Variants in PAM observed in about 807,000 individuals in gnomAD.
PAM encodes the protein peptidylglycine alpha-amidating monooxygenase, also known as peptidyl-glycine alpha-amidating monooxygenase.
PAM carries 72 observed loss-of-function variants against 122.1 expected under a neutral mutation model. That is an observed-to-expected ratio of 0.59 (90% CI 0.49 to 0.72). PAM has a LOEUF of 0.72. Among genes scored for constraint, PAM ranks in the 30% least tolerant of loss-of-function variants. The pLI, the probability that PAM is intolerant of heterozygous loss-of-function variation, is 0.00. For missense variants in PAM, 1,106 were observed against 1,183.7 expected (o/e 0.93, Z 0.96); for synonymous variants, 389 against 404.4 (o/e 0.96, Z 0.46).
chr5:102,841,666 G>A (rs1353345378), intron 1 of PAM, among the ~76,000 whole-genome samples: 3 of 152,026 alleles, frequency 2.0e-5, no homozygotes, highest in Admixed American at 6.6e-5. Flanking sequence ...AAAATATAGA[G>A]CACCCCTGAA....
At chr5:103,006,722 G>A in intron 18 of PAM, 79 bp from the exon 19 acceptor site, 1 of 911,742 alleles carries the variant, frequency 1.1e-6, no homozygotes, top group Non-Finnish European at 1.7e-6. Flanking sequence ...AATTGCTTGT[G>A]AAAGTGGTCT....
At chr5:102,868,680 AT>A (rs1213820729) in intron 3 of PAM, among the ~76,000 whole-genome samples, 1 of 150,568 alleles carries the variant, frequency 6.6e-6, no homozygotes, top group African/African-American at 2.4e-5. Flanking sequence ...AACTGAATGT[AT>A]TTTTTTTAAA....
intron 1 of PAM, among the ~76,000 whole-genome samples, chr5:102,851,742 G>A (rs1781400160): frequency 6.6e-6 from 1 of 152,206 alleles, no homozygotes. Flanking sequence ...AAATAACTCT[G>A]TAGCCTTGAG....
chr5:102,884,515 A>G (rs1792328109), intron 3 of PAM, among the ~76,000 whole-genome samples: 1 of 152,080 alleles, frequency 6.6e-6, no homozygotes, highest in South Asian at 2.1e-4. Context: ...CCGTCTGAAG[A>G]TATTTGTGGA....
At chr5:102,846,096 C>CT (rs965193288) in intron 1 of PAM, among the ~76,000 whole-genome samples, 4 of 152,184 alleles carry the variant, frequency 2.6e-5, no homozygotes, top group South Asian at 2.1e-4. Flanking sequence ...CAAGTTGATG[C>CT]TTTTTTTCCT....
Position 103,006,878 on chromosome 5 carries a change from G to C in PAM, c.1881G>C (p.Gln627His). 6.2e-7 allele frequency: 1 copy of C among 1,613,960 alleles called. No homozygotes were observed. The highest frequency in any genetic ancestry group is 1.7e-5 in the Admixed American group (1 of 60,000). ...GGAGCATGCAACCAGGCAGTGACCA[G>C]AATCACTTCTGTCAACCCACTGATG... ...LGRSMQPGSD[Q>H]NHFCQPTDVA... is the part of the protein sequence containing the mutation. Residue 627 changes from glutamine (Q) to histidine (H), a missense_variant, in exon 19 of 26, where the codon CAG becomes CAC. This residue lies in a region of PAM where 103 missense variants were observed against 157.9 expected (regional missense o/e 0.65). Transcript: ENST00000438793.
At chr5:102,898,009 G>A (rs1031559355) in intron 3 of PAM, among the ~76,000 whole-genome samples, 1 of 151,584 alleles carries the variant, frequency 6.6e-6, no homozygotes, top group African/African-American at 2.4e-5. Context: ...TGCTATGAGA[G>A]AACTAACTCT....
rs748966205 is a variant in PAM, at chr5:102,950,761, C to G, written c.846C>G (p.Asp282Glu). 2 of 1,612,186 alleles carry G rather than the reference C, an allele frequency of 1.2e-6. No homozygotes were observed. Among genetic ancestry groups the G allele is most frequent in the Admixed American group, 1.7e-5 (1 of 59,902 alleles). The change falls in exon 12 of 26, where the codon GAC becomes GAG. Residue 282 changes from aspartate (D) to glutamate (E), a missense_variant. Physicochemically the swap from Asp to Glu is conservative, Grantham distance 45. Coordinates refer to ENST00000438793, the MANE Select transcript of PAM (RefSeq NM_001177306.2). Reference sequence around the variant, plus strand: ...ATCCAGTTGATGTAAGTTTTGGTGACCTACTGGCTGCAAGATGTGTATTCA... The same window carrying G: ...ATCCAGTTGATGTAAGTTTTGGTGAGCTACTGGCTGCAAGATGTGTATTCA... ...VGHPVDVSFG[D>E]LLAARCVFTG...
intron 5 of PAM, among the ~76,000 whole-genome samples, chr5:102,916,474 A>G (rs1416887302): frequency 6.6e-6 from 1 of 151,830 alleles, no homozygotes; most frequent in Non-Finnish European, 1.5e-5. Context: ...TCATAAAACA[A>G]GGACAATTGG....
intron 1 of PAM, among the ~76,000 whole-genome samples, chr5:102,801,923 C>T (rs570664651): frequency 7.3e-5 from 11 of 150,704 alleles, no homozygotes; most frequent in South Asian, 2.1e-4. Context: ...GGACTACAGG[C>T]GCCCGCCACC....
chr5:102,890,765 G>C (rs1246098760), intron 3 of PAM, among the ~76,000 whole-genome samples: 1 of 151,894 alleles, frequency 6.6e-6, no homozygotes, highest in Non-Finnish European at 1.5e-5. Flanking sequence ...TTCCGAGGAG[G>C]TTTAGGGAAG....
At chr5:102,900,853 C>T (rs1420269050) in intron 3 of PAM, among the ~76,000 whole-genome samples, 1 of 151,316 alleles carries the variant, frequency 6.6e-6, no homozygotes, top group African/African-American at 2.4e-5. Flanking sequence ...TTGATTTCTT[C>T]AATGTATTAC....
In PAM at chr5:103,029,142, C is replaced by A; in HGVS notation, c.*77C>A. 1.6e-6 allele frequency: 2 copies of A among 1,212,898 alleles called. No individual in the cohort carries two copies. The highest frequency in any genetic ancestry group is 2.3e-6 in the Non-Finnish European group (2 of 860,968). The allele number at this position is 1,212,898 out of a possible 1,614,324, so 75.1% of individuals were successfully genotyped here. A position where few individuals can be genotyped will look rare whatever the true frequency, so the allele number is the denominator to read the frequency against. ...CTTTCCCTTTAGCACGTTTAAAGTT[C>A]TGTGTATTTAATTGTAAACTGTACT... On this transcript the variant is annotated 3_prime_UTR_variant, in exon 26 of 26. Coordinates refer to ENST00000438793, the MANE Select transcript of PAM (RefSeq NM_001177306.2).
At chr5:103,008,355 T>G (rs973013996) in intron 20 of PAM, among the ~76,000 whole-genome samples, 5 of 152,114 alleles carry the variant, frequency 3.3e-5, no homozygotes, top group Non-Finnish European at 7.4e-5. Flanking sequence ...GATATTTTGA[T>G]GTATGTTTAC....
At chr5:102,961,662 A>G (rs1417149966) in intron 14 of PAM, among the ~76,000 whole-genome samples, 1 of 151,884 alleles carries the variant, frequency 6.6e-6, no homozygotes, top group East Asian at 1.9e-4. Flanking sequence ...TTACCTCTAT[A>G]AGTCATTCTT....
chr5:102,990,239 C>G (rs757082900), intron 15 of PAM, 33 bp from the exon 16 acceptor site: 3 of 1,481,520 alleles, frequency 2.0e-6, no homozygotes, highest in Admixed American at 4.2e-5. Flanking sequence ...CGACCTTTCC[C>G]TTTTACACTA....
chr5:102,880,087 C>T (rs2151112223), intron 3 of PAM, among the ~76,000 whole-genome samples: 1 of 152,210 alleles, frequency 6.6e-6, no homozygotes, highest in East Asian at 1.9e-4. Flanking sequence ...TTGAGACTAG[C>T]CTGGGCAACG....
intron 5 of PAM, among the ~76,000 whole-genome samples, chr5:102,917,942 C>A (rs1190757778): frequency 1.3e-5 from 2 of 152,092 alleles, no homozygotes; most frequent in Admixed American, 1.3e-4. Flanking sequence ...CACATTCTAG[C>A]CTTTTGTGAC....
In PAM at chr5:102,782,670, T is replaced by A. The variant is rs1759310608; in HGVS notation, c.-374+27322T>A. On this transcript the variant is annotated intron_variant, in intron 1 of 25. Coordinates refer to ENST00000438793, the MANE Select transcript of PAM (RefSeq NM_001177306.2). ...AGTGGAAAAGTCAGAATCAGTTAAGTACCCAGAGCACTTGCTCCCTTCCTT... is the reference window on the plus strand; with the variant it reads ...AGTGGAAAAGTCAGAATCAGTTAAGAACCCAGAGCACTTGCTCCCTTCCTT... 2.0e-5 allele frequency among the ~76,000 whole-genome samples: 3 copies of A among 151,886 alleles called. No homozygotes were observed. In the South Asian group the frequency reaches 6.2e-4, roughly 32 times the overall value.
Sources: allele counts gnomAD v4.1 joint callset (sites outside exome capture counted in the v4.1 genomes callset), GRCh38; gene constraint gnomAD v4.1.1; regional missense constraint gnomAD v4.1.1; transcripts MANE v1.5; gene names NCBI Gene and HGNC (gene_info 2026-07-23, HGNC 2026-07-21).